Variants in RGL1 observed in about 807,000 individuals in gnomAD.
The protein encoded by RGL1 is ral guanine nucleotide dissociation stimulator like 1, also known as ral guanine nucleotide dissociation stimulator-like 1.
In RGL1, 24 loss-of-function variants were observed where a neutral mutation model predicts 95.2. That is an observed-to-expected ratio of 0.25 (90% CI 0.18 to 0.35). The LOEUF (loss-of-function observed/expected upper bound fraction) is 0.35. Among genes scored for constraint, RGL1 ranks in the 10% least tolerant of loss-of-function variants. The pLI is 1.00. For missense variants in RGL1, 715 were observed against 936.3 expected, an observed-to-expected ratio of 0.76 and a Z score of 3.08; for synonymous variants, 329 against 344.9, an observed-to-expected ratio of 0.95 and a Z score of 0.51.
At position 183,851,833 on chromosome 1, in the gene RGL1, G is replaced by A. The variant is rs1473858243; in HGVS notation, c.347+4059G>A. On this transcript the variant is annotated intron_variant, in intron 3 of 17. Coordinates refer to ENST00000360851, the MANE Select transcript of RGL1 (RefSeq NM_001297671.3). ...TAAATTTAACCAAAATGCACATTCTGTGAAACAGTGGGTTCTTAAATTGGT... is the reference window on the plus strand; with the variant it reads ...TAAATTTAACCAAAATGCACATTCTATGAAACAGTGGGTTCTTAAATTGGT... Among the ~76,000 whole-genome samples the A allele has an allele frequency of 2.6e-5, 4 of 152,166 alleles. No homozygotes were observed. In the East Asian group the frequency reaches 7.7e-4, roughly 29 times the overall value.
chr1:183,701,336 G>T (rs985158636), intron 1 of RGL1, among the ~76,000 whole-genome samples: 2 of 152,210 alleles, frequency 1.3e-5, no homozygotes, highest in Non-Finnish European at 2.9e-5. Flanking sequence ...TGACCTTGGA[G>T]ATTGCCTGGT....
rs565305468 is a variant in RGL1 at position 183,810,940 on chromosome 1, T to C, written c.138+4455T>C. On this transcript the variant is annotated intron_variant, in intron 2 of 17. Coordinates refer to ENST00000360851, the MANE Select transcript of RGL1 (RefSeq NM_001297671.3). ...TGTTTACTTGTTTGTTATCTTCCAT[T>C]AGACTGTAAGCTTGCAACCATGGCC... Among the ~76,000 whole-genome samples the C allele has an allele frequency of 2.1e-4, 32 of 152,308 alleles. 1 individual carries two copies. In the East Asian group the frequency reaches 2.3e-3, roughly 11 times the overall value.
intron 2 of RGL1, among the ~76,000 whole-genome samples, chr1:183,844,343 TAA>T (rs1664272568): frequency 6.6e-6 from 1 of 152,222 alleles, no homozygotes; most frequent in Non-Finnish European, 1.5e-5. Context: ...AAATATGAGT[TAA>T]GTTTTAAATG....
chr1:183,698,065 G>A (rs989236947), intron 1 of RGL1, among the ~76,000 whole-genome samples: 3 of 152,042 alleles, frequency 2.0e-5, no homozygotes, highest in African/African-American at 7.2e-5. Context: ...CCTAGTGTGT[G>A]AGCCAGCTCA....
At chr1:183,643,947 G>C (rs774348843) in intron 1 of RGL1, among the ~76,000 whole-genome samples, 11 of 152,148 alleles carry the variant, frequency 7.2e-5, no homozygotes, top group Non-Finnish European at 1.6e-4. Flanking sequence ...ATTTATGTTT[G>C]GCATGAGGTC....
At chr1:183,761,127 C>T (rs1348804060) in intron 2 of RGL1, among the ~76,000 whole-genome samples, 2 of 152,116 alleles carry the variant, frequency 1.3e-5, no homozygotes, top group African/African-American at 4.8e-5. Context: ...ATATTTTGAC[C>T]TTCTCTCATG....
At chr1:183,686,738 C>T (rs1247334346) in intron 1 of RGL1, among the ~76,000 whole-genome samples, 1 of 152,078 alleles carries the variant, frequency 6.6e-6, no homozygotes, top group African/African-American at 2.4e-5. Context: ...CTTTAAATAC[C>T]ATCTGTATTT....
rs915370199 is a variant in RGL1, at chr1:183,906,996, C to G, written c.1473-16C>G. 26 of 1,499,262 alleles carry G rather than the reference C, an allele frequency of 1.7e-5. No homozygotes were observed. The African/African-American group carries it at 3.2e-4, about 18-fold the overall frequency. The allele number at this position is 1,499,262 out of a possible 1,614,324, so 92.9% of individuals were successfully genotyped here. ...TCTCTAACTTTGACCTCATGGAGCC[C>G]CCTTCTCTTTCTCAGCTATGCCCTG... On this transcript the variant is annotated splice_polypyrimidine_tract_variant and intron_variant, in intron 13 of 17. Transcript: ENST00000360851.
Position 183,912,252 on chromosome 1 carries a change from A to G in RGL1, c.1733A>G (p.Asp578Gly), listed in dbSNP as rs1440938350. 5 of 1,613,816 alleles carry G rather than the reference A, an allele frequency of 3.1e-6. No homozygotes were observed. The Admixed American group carries it at 6.7e-5, about 22-fold the overall frequency. The part of the protein sequence containing the change: ...EGSITPMDTP[D>G]EPQKKLSESS... Reference sequence around the variant, plus strand: ...TCCATTACTCCCATGGACACCCCTGATGAGCCTCAAAAAAAGGTATATACT... The same window carrying G: ...TCCATTACTCCCATGGACACCCCTGGTGAGCCTCAAAAAAAGGTATATACT... Residue 578 changes from aspartate to glycine, a missense_variant, in exon 15 of 18, where the codon GAT becomes GGT. By Grantham distance (94) the Asp-to-Gly change is moderately conservative. Around this residue, in one of 3 missense-constraint regions of RGL1, gnomAD observed 330 missense variants for 429.6 expected, o/e 0.77. Coordinates refer to ENST00000360851, the MANE Select transcript of RGL1 (RefSeq NM_001297671.3).
Position 183,643,908 on chromosome 1 carries a change from A to G in RGL1, c.-33+7407A>G, listed in dbSNP as rs181876902. Among the ~76,000 whole-genome samples the G allele has an allele frequency of 8.5e-4, 129 of 152,364 alleles. 1 individual carries two copies. The highest frequency in any genetic ancestry group is 2.7e-3 in the African/African-American group (112 of 41,574). On this transcript the variant is annotated intron_variant, in intron 1 of 18. Coordinates refer to the RGL1 transcript ENST00000304685. ...CAGATTTAGTACATCCCTGAAAGTC[A>G]GGGACACCTAAGATAAGATAATCTT...
At chr1:183,826,428 T>G (rs1158932975) in intron 2 of RGL1, among the ~76,000 whole-genome samples, 1 of 152,218 alleles carries the variant, frequency 6.6e-6, no homozygotes, top group Non-Finnish European at 1.5e-5. Flanking sequence ...GATTGCTGCT[T>G]CGTACATTAG....
chr1:183,773,427 A>T (rs1036445884), intron 2 of RGL1, among the ~76,000 whole-genome samples: 1 of 152,372 alleles, frequency 6.6e-6, no homozygotes, highest in African/African-American at 2.4e-5. Flanking sequence ...AGGAATGGAC[A>T]TATAACCATC....
rs367755027 is a variant in RGL1, at chr1:183,710,342, C to T, written c.-32-31784C>T. The T allele has an allele frequency of 7.1e-5, 11 of 154,504 alleles. No individual in the cohort carries two copies. The East Asian group carries it at 7.6e-4, about 11-fold the overall frequency. 9.6% of individuals were successfully genotyped at this position (154,504 alleles called of 1,614,324 possible). On this transcript the variant is annotated intron_variant, in intron 1 of 18. Transcript: ENST00000304685. ...CAAGACCTATGAAGGTGCCTGGGTC[C>T]CTGTATAGACTTGGAGGAGGGTAAG... is the stretch of plus-strand genomic sequence containing the variant.
intron 1 of RGL1, among the ~76,000 whole-genome samples, chr1:183,654,865 A>C (rs550247395): frequency 6.6e-6 from 1 of 152,120 alleles, no homozygotes; most frequent in Middle Eastern, 3.2e-3. Context: ...ATGTAGGAAG[A>C]CTCCAAGGAA....
At chr1:183,808,279 TAC>T (rs1225294826) in intron 2 of RGL1, among the ~76,000 whole-genome samples, 1 of 152,212 alleles carries the variant, frequency 6.6e-6, no homozygotes, top group African/African-American at 2.4e-5. Context: ...CTCAAATTTA[TAC>T]AGAGTTCAGA....
chr1:183,778,854 C>T lies in RGL1; in HGVS notation c.133-27521C>T, dbSNP rs549920670. On this transcript the variant is annotated intron_variant, in intron 2 of 18. Coordinates refer to the RGL1 transcript ENST00000304685. Reference sequence around the variant, plus strand: ...CCTTTAGGGAATTGTCTGCATCTTTCCTGAGGCCTGGATTCAGTGCTCCTT... The same window carrying T: ...CCTTTAGGGAATTGTCTGCATCTTTTCTGAGGCCTGGATTCAGTGCTCCTT... Among the ~76,000 whole-genome samples the T allele has an allele frequency of 7.2e-5, 11 of 152,274 alleles. 1 individual carries two copies. The South Asian group carries it at 8.3e-4, about 11-fold the overall frequency.
At chr1:183,751,441 G>A (rs1281702164) in intron 2 of RGL1, among the ~76,000 whole-genome samples, 1 of 152,198 alleles carries the variant, frequency 6.6e-6, no homozygotes, top group Non-Finnish European at 1.5e-5. Context: ...AGACTGCTGT[G>A]CTGGCAGTGA....
rs146549594 is a variant in RGL1 at position 183,908,063 on chromosome 1, T to C, written c.1562+962T>C. On this transcript the variant is annotated intron_variant, in intron 14 of 17. Coordinates refer to ENST00000360851, the MANE Select transcript of RGL1 (RefSeq NM_001297671.3). ...ATATATTTATACACACATATATATATACACATACATATATATATGCAGTAC... is the reference window on the plus strand; with the variant it reads ...ATATATTTATACACACATATATATACACACATACATATATATATGCAGTAC... 6.7e-3 allele frequency among the ~76,000 whole-genome samples: 1,024 copies of C among 152,244 alleles called. 10 individuals are homozygous for C. The highest frequency in any genetic ancestry group is 0.017 in the Middle Eastern group (5 of 294).
At chr1:183,734,791 A>C (rs1200994979) in intron 1 of RGL1, among the ~76,000 whole-genome samples, 1 of 152,234 alleles carries the variant, frequency 6.6e-6, no homozygotes, top group Non-Finnish European at 1.5e-5. Flanking sequence ...TAAAAAAGGC[A>C]GTCCCCTGGA....
Sources: gnomAD v4.1 joint callset for allele counts (sites outside exome capture counted in the v4.1 genomes callset) on GRCh38, gnomAD v4.1.1 for gene constraint, gnomAD v4.1.1 regional missense constraint, MANE v1.5 for transcripts, NCBI Gene and HGNC (gene_info 2026-07-23, HGNC 2026-07-21) for gene names.